DMRT1: variants seen among roughly 807,000 people sequenced by gnomAD.
DMRT1 encodes doublesex and mab-3 related transcription factor 1.
DMRT1 carries 7 observed loss-of-function variants against 32.3 expected under a neutral mutation model. The observed-to-expected ratio is 0.22, with a 90% CI of 0.12 to 0.41. The LOEUF is 0.41. Among genes scored for constraint, DMRT1 ranks in the 10% least tolerant of loss-of-function variants. The probability of loss-of-function intolerance (pLI) is 1.00; values close to 1 mark genes in which losing one functional copy is unlikely to be tolerated. For missense variants in DMRT1, 625 were observed against 500.5 expected, an observed-to-expected ratio of 1.25 and a Z score of -2.37; for synonymous variants, 278 against 206.1, an observed-to-expected ratio of 1.35 and a Z score of -2.99.
intron 4 of DMRT1, among the ~76,000 whole-genome samples, chr9:958,423 A>G (rs1354226843): frequency 3.3e-5 from 5 of 152,076 alleles, no homozygotes; most frequent in Non-Finnish European, 2.9e-5. Flanking sequence ...CTGGAGTGCA[A>G]TGGCGTGATC....
intron 1 of DMRT1, among the ~76,000 whole-genome samples, chr9:843,479 T>G (rs1389707301): frequency 2.0e-5 from 3 of 152,228 alleles, no homozygotes; most frequent in Non-Finnish European, 1.5e-5. Context: ...CTTAAGAATT[T>G]TAAAGAATAT....
intron 4 of DMRT1, among the ~76,000 whole-genome samples, chr9:924,186 C>G (rs1466799343): frequency 4.0e-5 from 6 of 151,616 alleles, no homozygotes; most frequent in Non-Finnish European, 7.4e-5. Flanking sequence ...ATTCTCCTAC[C>G]TCAGCCTCCT....
intron 4 of DMRT1, among the ~76,000 whole-genome samples, chr9:932,318 C>A (rs944274174): frequency 3.3e-5 from 5 of 152,162 alleles, no homozygotes; most frequent in Admixed American, 2.6e-4. Context: ...CTGGCAGATA[C>A]AGCAGAATTT....
chr9:867,372 G>A (rs1202504839), intron 2 of DMRT1, among the ~76,000 whole-genome samples: 1 of 152,234 alleles, frequency 6.6e-6, no homozygotes, highest in African/African-American at 2.4e-5. Flanking sequence ...AGAGCGGGCA[G>A]TGCTTTATTC....
At chr9:884,353 C>T (rs553222223) in intron 2 of DMRT1, among the ~76,000 whole-genome samples, 2 of 133,332 alleles carry the variant, frequency 1.5e-5, no homozygotes, top group East Asian at 2.1e-4. Context: ...TCATATTTCA[C>T]ACTGCATGTT....
chr9:861,758 T>TG (rs1815695594), intron 2 of DMRT1, among the ~76,000 whole-genome samples: 1 of 143,680 alleles, frequency 7.0e-6, no homozygotes, highest in African/African-American at 2.7e-5. Flanking sequence ...ACGGGGCGGC[T>TG]GCTGGGCGGA....
At chr9:848,764 AG>A (rs1839013568) in intron 2 of DMRT1, among the ~76,000 whole-genome samples, 1 of 148,860 alleles carries the variant, frequency 6.7e-6, no homozygotes, top group African/African-American at 2.5e-5. Flanking sequence ...CATGTTGGCC[AG>A]GCTGGCCTTG....
chr9:864,819 C>G (rs74810039), intron 2 of DMRT1, among the ~76,000 whole-genome samples: 12,792 of 152,220 alleles, frequency 0.084, 715 homozygotes, highest in African/African-American at 0.15. Flanking sequence ...CTTTTAACTT[C>G]TATTCCTCAG....
rs780064237 is a variant in DMRT1, at chr9:842,230, G to GTTTTTTTTTTTTTTTTTTTTTTT, written c.354+39_354+61dup. 1.7e-5 allele frequency: 21 copies of GTTTTTTTTTTTTTTTTTTTTTTT among 1,267,096 alleles called. No homozygotes were observed. In the African/African-American group the frequency reaches 3.9e-4, roughly 23 times the overall value. The allele number at this position is 1,267,096 out of a possible 1,614,324, so 78.5% of individuals were successfully genotyped here. A position where few individuals can be genotyped will look rare whatever the true frequency, so the allele number is the denominator to read the frequency against. On this transcript the variant is annotated intron_variant, in intron 1 of 4. Transcript: ENST00000382276. ...GTGCGGGAGCCCGGGTTCAGCCTTAGTTTTTTTTTTTTTTTTTTTTTTTAG... is the reference window on the plus strand; with the variant it reads ...GTGCGGGAGCCCGGGTTCAGCCTTAGTTTTTTTTTTTTTTTTTTTTTTTTTTTTTTTTTTTTTTTTTTTTTTAG...
At chr9:852,513 C>T (rs1815196593) in intron 2 of DMRT1, among the ~76,000 whole-genome samples, 1 of 151,916 alleles carries the variant, frequency 6.6e-6, no homozygotes, top group African/African-American at 2.4e-5. Flanking sequence ...TTTCTTCAGC[C>T]TCCCGTGCTC....
chr9:937,767 C>A (rs914022226), intron 4 of DMRT1, among the ~76,000 whole-genome samples: 5 of 151,916 alleles, frequency 3.3e-5, no homozygotes, highest in African/African-American at 1.2e-4. Flanking sequence ...GCTATGATTT[C>A]CAAGTATTTT....
chr9:912,389 CT>C (rs930065418), intron 3 of DMRT1, among the ~76,000 whole-genome samples: 1 of 152,130 alleles, frequency 6.6e-6, no homozygotes, highest in Non-Finnish European at 1.5e-5. Flanking sequence ...TCTTTTTCTT[CT>C]TTTACTGGAA....
chr9:877,276 T>C (rs1276861726), intron 2 of DMRT1, among the ~76,000 whole-genome samples: 1 of 152,200 alleles, frequency 6.6e-6, no homozygotes, highest in Non-Finnish European at 1.5e-5. Context: ...TCCCAGGATA[T>C]ACATACACTC....
intron 3 of DMRT1, among the ~76,000 whole-genome samples, chr9:912,081 T>C (rs927460344): frequency 2.0e-5 from 3 of 152,190 alleles, no homozygotes; most frequent in South Asian, 4.1e-4. Flanking sequence ...CTTGCAGTCA[T>C]GTCAGAAGGC....
intron 2 of DMRT1, among the ~76,000 whole-genome samples, chr9:856,951 G>A (rs748206501): frequency 1.3e-5 from 2 of 152,160 alleles, no homozygotes; most frequent in South Asian, 2.1e-4. Flanking sequence ...AAAACCCTGC[G>A]AGAGTCTCTC....
intron 1 of DMRT1, among the ~76,000 whole-genome samples, chr9:843,261 T>C (rs927007395): frequency 6.2e-4 from 94 of 152,300 alleles, no homozygotes; most frequent in African/African-American, 2.1e-3. Flanking sequence ...GAAAGCCTTG[T>C]TTGTTTTTCT....
rs373181559 is a variant in DMRT1 at position 884,194 on chromosome 9, AAG to A, written c.539-9715_539-9714del. ...AACTTTGGGAATCATGACACCAGCA[AAG>A]AGGGGGGCAAGCCTTCACCCACCTT... On this transcript the variant is annotated intron_variant, in intron 2 of 4. Transcript: ENST00000382276. Among the ~76,000 whole-genome samples the A allele has an allele frequency of 3.7e-3, 563 of 152,242 alleles. 5 individuals are homozygous for A. The highest frequency in any genetic ancestry group is 0.012 in the African/African-American group (511 of 41,536).
At chr9:957,411 T>C (rs1263044117) in intron 4 of DMRT1, among the ~76,000 whole-genome samples, 1 of 152,248 alleles carries the variant, frequency 6.6e-6, no homozygotes, top group African/African-American at 2.4e-5. Flanking sequence ...AATTGGAGTC[T>C]TATGCAATGT....
At chr9:864,651 A>C (rs1589467411) in intron 2 of DMRT1, among the ~76,000 whole-genome samples, 1 of 151,798 alleles carries the variant, frequency 6.6e-6, no homozygotes, top group Admixed American at 6.6e-5. Context: ...GGCGCCCGCC[A>C]CCACGCCTGG....
Sources: gnomAD v4.1 joint callset for allele counts (sites outside exome capture counted in the v4.1 genomes callset) on GRCh38, gnomAD v4.1.1 for gene constraint, MANE v1.5 for transcripts, NCBI Gene and HGNC (gene_info 2026-07-23, HGNC 2026-07-21) for gene names.